AUTS2: variants seen among roughly 807,000 people sequenced by gnomAD.
The protein encoded by AUTS2 is autism susceptibility gene 2 protein.
In AUTS2, 17 loss-of-function variants were observed where a neutral mutation model predicts 112.4. The ratio of observed to expected loss-of-function variants is 0.15; its 90% CI spans 0.10 to 0.23. The LOEUF is 0.23. AUTS2 is among the 10% of genes least tolerant of loss of function. AUTS2 has a pLI of 1.00. For synonymous variants in AUTS2, 751 were observed against 702.7 expected, an observed-to-expected ratio of 1.07 and a Z score of -1.09; for missense variants, 1,510 against 1,701.6, an observed-to-expected ratio of 0.89 and a Z score of 1.98.
At chr7:69,714,402 C>A (rs1434766866) in intron 1 of AUTS2, among the ~76,000 whole-genome samples, 1 of 151,850 alleles carries the variant, frequency 6.6e-6, no homozygotes, top group African/African-American at 2.4e-5. Context: ...GCCACTACAC[C>A]CAGTGTAAAT....
At chr7:70,174,013 T>G (rs1048978524) in intron 4 of AUTS2, among the ~76,000 whole-genome samples, 2 of 152,198 alleles carry the variant, frequency 1.3e-5, no homozygotes, top group Admixed American at 6.5e-5. Flanking sequence ...AATCAAACTC[T>G]AGAAATGATT....
intron 4 of AUTS2, among the ~76,000 whole-genome samples, chr7:70,410,243 C>G (rs1219404636): frequency 6.6e-6 from 1 of 152,096 alleles, no homozygotes; most frequent in Non-Finnish European, 1.5e-5. Flanking sequence ...CTCAGTGATG[C>G]TACTAGGAAC....
At chr7:70,559,457 C>G (rs1801390629) in intron 5 of AUTS2, among the ~76,000 whole-genome samples, 1 of 151,974 alleles carries the variant, frequency 6.6e-6, no homozygotes, top group South Asian at 2.1e-4. Flanking sequence ...GTCTCAGCCT[C>G]CCAAGTAGCT....
At chr7:70,280,415 C>T (rs1436396661) in intron 4 of AUTS2, among the ~76,000 whole-genome samples, 2 of 149,548 alleles carry the variant, frequency 1.3e-5, no homozygotes, top group Non-Finnish European at 3.0e-5. Flanking sequence ...TCCTGAGTAG[C>T]TGGGATTATA....
chr7:70,211,024 A>T (rs1810853306), intron 4 of AUTS2, among the ~76,000 whole-genome samples: 1 of 152,148 alleles, frequency 6.6e-6, no homozygotes, highest in South Asian at 2.1e-4. Flanking sequence ...GAGAAAGTCA[A>T]TGTCAAATGA....
At chr7:70,259,406 A>G (rs1024334230) in intron 4 of AUTS2, among the ~76,000 whole-genome samples, 1 of 152,022 alleles carries the variant, frequency 6.6e-6, no homozygotes, top group African/African-American at 2.4e-5. Flanking sequence ...CATCAAAAAG[A>G]GGAGTGCAGC....
At chr7:70,589,564 A>C (rs1294127369) in intron 5 of AUTS2, among the ~76,000 whole-genome samples, 1 of 152,126 alleles carries the variant, frequency 6.6e-6, no homozygotes, top group Non-Finnish European at 1.5e-5. Context: ...ATATTCAAAA[A>C]TTAGCGGGAT....
intron 2 of AUTS2, among the ~76,000 whole-genome samples, chr7:69,978,790 G>A (rs970066354): frequency 1.3e-5 from 2 of 151,764 alleles, no homozygotes; most frequent in South Asian, 4.2e-4. Flanking sequence ...AGGCTGCAAT[G>A]AGCCATGATT....
chr7:69,737,196 C>T (rs1015261464), intron 1 of AUTS2, among the ~76,000 whole-genome samples: 19 of 152,124 alleles, frequency 1.2e-4, no homozygotes, highest in African/African-American at 3.4e-4. Context: ...CTATGTTGTG[C>T]GAGTGTATAG....
chr7:70,252,082 G>A (rs1357204472), intron 4 of AUTS2, among the ~76,000 whole-genome samples: 1 of 152,094 alleles, frequency 6.6e-6, no homozygotes. Flanking sequence ...GAATATTGCT[G>A]CAACGAACAT....
At chr7:70,269,137 T>C (rs1273986791) in intron 4 of AUTS2, among the ~76,000 whole-genome samples, 1 of 152,230 alleles carries the variant, frequency 6.6e-6, no homozygotes, top group Non-Finnish European at 1.5e-5. Context: ...TCTTGACTAC[T>C]GTCTATAACA....
chr7:70,447,173 G>A (rs1386995739), intron 5 of AUTS2, among the ~76,000 whole-genome samples: 2 of 152,182 alleles, frequency 1.3e-5, no homozygotes, highest in Non-Finnish European at 2.9e-5. Context: ...CATGTAGCTG[G>A]ACTGAGCCTG....
At chr7:70,779,304 G>C (rs1246628999) in intron 14 of AUTS2, among the ~76,000 whole-genome samples, 2 of 152,134 alleles carry the variant, frequency 1.3e-5, no homozygotes, top group Admixed American at 1.3e-4. Flanking sequence ...GTTCATTTAC[G>C]CATTCTTTTA....
intron 6 of AUTS2, among the ~76,000 whole-genome samples, chr7:70,718,163 C>T (rs1324503946): frequency 2.6e-5 from 4 of 152,136 alleles, no homozygotes; most frequent in African/African-American, 9.7e-5. Context: ...GATGAAGTCA[C>T]CTGTGGGGGA....
chr7:69,822,919 C>T (rs1482167578), intron 1 of AUTS2, among the ~76,000 whole-genome samples: 1 of 152,082 alleles, frequency 6.6e-6, no homozygotes, highest in Non-Finnish European at 1.5e-5. Context: ...ATTACTTCAG[C>T]CCACTTACTG....
intron 2 of AUTS2, among the ~76,000 whole-genome samples, chr7:69,934,428 A>G (rs958604681): frequency 1.3e-5 from 2 of 152,170 alleles, no homozygotes; most frequent in African/African-American, 2.4e-5. Context: ...AGTGAAGTGT[A>G]TTGGTTTTGG....
chr7:69,716,284 C>T (rs939655442), intron 1 of AUTS2, among the ~76,000 whole-genome samples: 16 of 151,696 alleles, frequency 1.1e-4, no homozygotes, highest in African/African-American at 3.9e-4. Flanking sequence ...CCTTTAAAAG[C>T]CCCATCTCTG....
intron 5 of AUTS2, among the ~76,000 whole-genome samples, chr7:70,646,158 A>T (rs1461689162): frequency 6.6e-6 from 1 of 152,222 alleles, no homozygotes; most frequent in Non-Finnish European, 1.5e-5. Flanking sequence ...CCAGAGCCAC[A>T]GCCATCACAG....
chr7:70,472,469 G>T (rs1797428620), intron 5 of AUTS2, among the ~76,000 whole-genome samples: 1 of 151,884 alleles, frequency 6.6e-6, no homozygotes, highest in African/African-American at 2.4e-5. Context: ...CAGTTGCTGG[G>T]TAAAGGGGGG....
Sources: gnomAD v4.1 joint callset for allele counts (sites outside exome capture counted in the v4.1 genomes callset) on GRCh38, gnomAD v4.1.1 for gene constraint, MANE v1.5 for transcripts, NCBI Gene and HGNC (gene_info 2026-07-23, HGNC 2026-07-21) for gene names.